Variants in CXADR observed in about 807,000 individuals in gnomAD.
The protein encoded by CXADR is coxsackievirus and adenovirus receptor.
A neutral mutation model predicts 40.3 loss-of-function variants in CXADR; 20 were observed. That is an observed-to-expected ratio of 0.50 (90% CI 0.35 to 0.72). CXADR has a LOEUF of 0.72. Among genes scored for constraint, CXADR ranks in the 30% least tolerant of loss-of-function variants. The pLI is 0.01. For missense variants in CXADR, 332 were observed against 449.1 expected (o/e 0.74, Z 2.36); for synonymous variants, 150 against 161.3 (o/e 0.93, Z 0.53).
intron 6 of CXADR, among the ~76,000 whole-genome samples, chr21:17,564,406 A>G (rs1026493293): frequency 2.6e-5 from 4 of 152,078 alleles, no homozygotes; most frequent in African/African-American, 9.7e-5. Context: ...TCTCTAGATT[A>G]CTTATAATAC....
At chr21:17,528,032 T>C (rs149965391) in intron 1 of CXADR, among the ~76,000 whole-genome samples, 3 of 151,438 alleles carry the variant, frequency 2.0e-5, no homozygotes, top group African/African-American at 7.2e-5. Flanking sequence ...TTTAGCAATT[T>C]TACTTAGGCA....
chr21:17,625,852 T>G, the CXADR span, among the ~76,000 whole-genome samples: 1 of 152,226 alleles, frequency 6.6e-6, no homozygotes, highest in East Asian at 1.9e-4. Flanking sequence ...CTCCTCACCT[T>G]AGGATGTTAG....
intron 2 of CXADR, among the ~76,000 whole-genome samples, chr21:17,547,743 A>G (rs923572449): frequency 6.9e-6 from 1 of 145,316 alleles, no homozygotes; most frequent in Non-Finnish European, 1.5e-5. Flanking sequence ...TTTTTAAAAG[A>G]CAAAATCTTT....
At chr21:17,588,745 T>C (rs1348603211) in intron 7 of CXADR, among the ~76,000 whole-genome samples, 1 of 152,184 alleles carries the variant, frequency 6.6e-6, no homozygotes, top group East Asian at 1.9e-4. Context: ...TACTCTCTGC[T>C]CATTGTTTTA....
intron 7 of CXADR, among the ~76,000 whole-genome samples, chr21:17,575,785 A>AG (rs1337101811): frequency 1.3e-5 from 2 of 149,502 alleles, no homozygotes; most frequent in African/African-American, 5.0e-5. Flanking sequence ...AAATTTTTAA[A>AG]GTTAAAAAAA....
chr21:17,583,975 A>G (rs913787404), intron 7 of CXADR, among the ~76,000 whole-genome samples: 2 of 152,222 alleles, frequency 1.3e-5, no homozygotes, highest in African/African-American at 4.8e-5. Context: ...AAAGGGATCC[A>G]TTATAGCCAC....
the CXADR span, among the ~76,000 whole-genome samples, chr21:17,615,409 C>T: frequency 3.9e-5 from 6 of 152,268 alleles, no homozygotes; most frequent in Admixed American, 1.3e-4. Flanking sequence ...CCCTTATCCA[C>T]GGTAGGATAT....
intron 1 of CXADR, among the ~76,000 whole-genome samples, chr21:17,532,744 A>G (rs373928504): frequency 3.1e-4 from 47 of 152,228 alleles, no homozygotes; most frequent in Non-Finnish European, 6.3e-4. Flanking sequence ...ACTAGCTACT[A>G]TTTATTGAAG....
At chr21:17,606,426 T>C in the CXADR span, among the ~76,000 whole-genome samples, 2 of 152,174 alleles carry the variant, frequency 1.3e-5, no homozygotes, top group African/African-American at 4.8e-5. Flanking sequence ...TTCTAGTATG[T>C]AAAATACTGC....
chr21:17,527,642 C>T (rs372989345), intron 1 of CXADR, among the ~76,000 whole-genome samples: 29 of 152,244 alleles, frequency 1.9e-4, no homozygotes, highest in Middle Eastern at 3.4e-3. Context: ...AGCAGATATG[C>T]TATCTGAAAA....
chr21:17,608,913 G>A, the CXADR span: 70 of 1,516,460 alleles, frequency 4.6e-5, no homozygotes, highest in Non-Finnish European at 5.1e-5. Context: ...TCAATCATCC[G>A]GCCTTGAACC....
At chr21:17,622,264 G>A in the CXADR span, among the ~76,000 whole-genome samples, 28 of 152,166 alleles carry the variant, frequency 1.8e-4, no homozygotes, top group Admixed American at 1.3e-3. Flanking sequence ...TTACCGTAAA[G>A]AGCTTGTTCC....
chr21:17,590,339 A>C (rs2061426163), intron 7 of CXADR, among the ~76,000 whole-genome samples: 1 of 151,974 alleles, frequency 6.6e-6, no homozygotes, highest in African/African-American at 2.4e-5. Flanking sequence ...ATCTGCTACA[A>C]GTCTTAATGG....
intron 3 of CXADR, among the ~76,000 whole-genome samples, chr21:17,556,319 G>T (rs2061035298): frequency 6.6e-6 from 1 of 152,196 alleles, no homozygotes; most frequent in Non-Finnish European, 1.5e-5. Context: ...TGGAAAGCAG[G>T]TGGGCCACTC....
Position 17,545,071 on chromosome 21 carries a change from T to TG in CXADR, c.44-1955dup, listed in dbSNP as rs1205752165. Among the ~76,000 whole-genome samples, 545 of 107,204 alleles carry TG rather than the reference T, an allele frequency of 5.1e-3. 3 individuals carry two copies. Among genetic ancestry groups the TG allele is most frequent in the Middle Eastern group, 9.5e-3 (2 of 210 alleles). 70.3% of individuals were successfully genotyped at this position (107,204 alleles called of 152,430 possible). The stretch of plus-strand genomic sequence containing the variant: ...ATTTACTCCTAATTTTGCTCTAATG[T>TG]GTTTTTTTTTTTTTTTTTTTTTTTT... On this transcript the variant is annotated intron_variant, in intron 1 of 6. Transcript: ENST00000284878.
the CXADR span, chr21:17,613,514 C>G: frequency 6.6e-6 from 1 of 152,338 alleles, no homozygotes; most frequent in Admixed American, 6.5e-5. Flanking sequence ...TTCCCTGGCC[C>G]CTCACAGCAG....
At chr21:17,534,295 C>T (rs2060725486) in intron 1 of CXADR, among the ~76,000 whole-genome samples, 2 of 151,442 alleles carry the variant, frequency 1.3e-5, no homozygotes, top group Admixed American at 1.3e-4. Context: ...CGGGGTTTCG[C>T]CATGTGGGCC....
chr21:17,532,657 A>T (rs1244093086), intron 1 of CXADR, among the ~76,000 whole-genome samples: 1 of 152,168 alleles, frequency 6.6e-6, no homozygotes, highest in African/African-American at 2.4e-5. Context: ...ATGCCTTTTA[A>T]ATATAAAAGA....
chr21:17,546,461 T>TA (rs1210239004), intron 1 of CXADR, among the ~76,000 whole-genome samples: 1 of 152,164 alleles, frequency 6.6e-6, no homozygotes, highest in African/African-American at 2.4e-5. Flanking sequence ...TCAGGAAACT[T>TA]ACAATCATGG....
Sources: gnomAD v4.1 joint callset for allele counts (sites outside exome capture counted in the v4.1 genomes callset) on GRCh38, gnomAD v4.1.1 for gene constraint, MANE v1.5 for transcripts, NCBI Gene and HGNC (gene_info 2026-07-23, HGNC 2026-07-21) for gene names.